The following EYS variants were observed in gnomAD, a reference collection of about 807,000 sequenced individuals.
EYS encodes the protein protein eyes shut homolog.
Under a neutral mutation model 282.1 loss-of-function variants are expected in EYS, and 250 were observed. That is an observed-to-expected ratio of 0.89 (90% confidence interval 0.80 to 0.98). The LOEUF (loss-of-function observed/expected upper bound fraction) is 0.98. Ranked by LOEUF, EYS falls within the 50% of genes least tolerant of loss-of-function variation. The pLI is 0.00. For synonymous variants in EYS, 1,355 were observed against 1,282.9 expected (o/e 1.06, Z -1.20); for missense variants, 4,016 against 3,709.0 (o/e 1.08, Z -2.15).
intron 28 of EYS, 94 bp from the exon 29 acceptor site, chr6:64,388,934 G>T: frequency 3.7e-6 from 3 of 818,302 alleles, no homozygotes; most frequent in Non-Finnish European, 5.2e-6. Context: ...AATAATTTAA[G>T]TAAATAGATT....
intron 19 of EYS, among the ~76,000 whole-genome samples, chr6:64,874,303 C>A (rs1053664475): frequency 6.6e-6 from 1 of 152,064 alleles, no homozygotes; most frequent in Non-Finnish European, 1.5e-5. Context: ...ATTTCAGACT[C>A]ACATAACCAA....
At chr6:64,460,811 A>T (rs553811824) in intron 26 of EYS, among the ~76,000 whole-genome samples, 2 of 152,304 alleles carry the variant, frequency 1.3e-5, no homozygotes, top group African/African-American at 4.8e-5. Context: ...TCTAGCAATT[A>T]GCTTTTAATC....
chr6:64,552,513 G>T (rs1176264354), intron 26 of EYS, among the ~76,000 whole-genome samples: 1 of 152,066 alleles, frequency 6.6e-6, no homozygotes, highest in African/African-American at 2.4e-5. Context: ...GCCTTCATCT[G>T]CATAATAAGA....
At chr6:65,626,708 T>A (rs1766706006) in intron 2 of EYS, among the ~76,000 whole-genome samples, 1 of 152,090 alleles carries the variant, frequency 6.6e-6, no homozygotes, top group Non-Finnish European at 1.5e-5. Flanking sequence ...AAGTGAGGAA[T>A]GACTAATTTG....
intron 12 of EYS, among the ~76,000 whole-genome samples, chr6:65,228,147 G>A (rs1766677124): frequency 6.6e-6 from 1 of 152,094 alleles, no homozygotes; most frequent in Non-Finnish European, 1.5e-5. Context: ...CGCAGTCTAT[G>A]TGGAAACAAG....
At chr6:65,544,029 TGAG>T (rs1216087160) in intron 2 of EYS, among the ~76,000 whole-genome samples, 6,621 of 132,002 alleles carry the variant, frequency 0.05, 434 homozygotes, top group African/African-American at 0.16. Flanking sequence ...TGTGTGTGTG[TGAG>T]AGAGAGAGAG....
chr6:64,969,035 C>T (rs899218818), intron 14 of EYS, among the ~76,000 whole-genome samples: 2 of 152,072 alleles, frequency 1.3e-5, no homozygotes, highest in Admixed American at 6.6e-5. Context: ...TTTCTCTTTC[C>T]TTCACTCTCT....
chr6:64,630,781 G>A (rs764809071), intron 22 of EYS, among the ~76,000 whole-genome samples: 5 of 152,070 alleles, frequency 3.3e-5, no homozygotes, highest in Non-Finnish European at 7.3e-5. Context: ...TACATTCTTA[G>A]CTTGAATGGA....
intron 2 of EYS, among the ~76,000 whole-genome samples, chr6:65,584,022 G>A (rs188949691): frequency 6.6e-6 from 1 of 151,822 alleles, no homozygotes; most frequent in East Asian, 1.9e-4. Flanking sequence ...TTGTTGACTG[G>A]ATGAATTCTA....
At chr6:64,198,002 TA>T (rs1370570223) in intron 31 of EYS, among the ~76,000 whole-genome samples, 3 of 150,804 alleles carry the variant, frequency 2.0e-5, no homozygotes, top group African/African-American at 7.4e-5. Context: ...TTTATTTATT[TA>T]TTTTTTTGAG....
chr6:64,070,590 A>AT (rs1771538876), intron 32 of EYS, among the ~76,000 whole-genome samples: 1 of 151,932 alleles, frequency 6.6e-6, no homozygotes. Context: ...TCTGCTAGTC[A>AT]TTTTTTCAGT....
At chr6:65,564,404 T>C (rs1769193257) in intron 2 of EYS, among the ~76,000 whole-genome samples, 1 of 152,108 alleles carries the variant, frequency 6.6e-6, no homozygotes, top group Non-Finnish European at 1.5e-5. Context: ...GAAAATAGCA[T>C]GGTACCGGTA....
At chr6:64,500,444 C>A (rs916491466) in intron 26 of EYS, among the ~76,000 whole-genome samples, 4 of 152,030 alleles carry the variant, frequency 2.6e-5, no homozygotes, top group Non-Finnish European at 5.9e-5. Flanking sequence ...TATAAAGCTG[C>A]ATTTAAGCTG....
intron 2 of EYS, among the ~76,000 whole-genome samples, chr6:65,583,017 C>T (rs1379909982): frequency 2.6e-5 from 4 of 151,910 alleles, no homozygotes; most frequent in Middle Eastern, 3.4e-3. Context: ...TAATGGCAAG[C>T]GGATTGTAAT....
chr6:65,022,235 C>T (rs1490400177), intron 13 of EYS, among the ~76,000 whole-genome samples: 1 of 152,202 alleles, frequency 6.6e-6, no homozygotes, highest in East Asian at 1.9e-4. Flanking sequence ...ATCCCACTGC[C>T]TACATAGTGC....
intron 5 of EYS, among the ~76,000 whole-genome samples, chr6:65,457,787 A>G (rs945155239): frequency 2.0e-5 from 3 of 152,134 alleles, no homozygotes; most frequent in Non-Finnish European, 4.4e-5. Context: ...ACATTCTTAT[A>G]TATGTTCCTA....
At chr6:64,822,450 A>T (rs1337749089) in intron 20 of EYS, among the ~76,000 whole-genome samples, 2 of 152,008 alleles carry the variant, frequency 1.3e-5, no homozygotes, top group Non-Finnish European at 2.9e-5. Flanking sequence ...AATGAACAGA[A>T]ATAAAAGAAG....
chr6:64,798,194 C>T (rs902632076), intron 22 of EYS, among the ~76,000 whole-genome samples: 8 of 151,756 alleles, frequency 5.3e-5, no homozygotes, highest in African/African-American at 1.7e-4. Flanking sequence ...GTCTTTAATT[C>T]ATCAATTACA....
intron 12 of EYS, among the ~76,000 whole-genome samples, chr6:65,175,712 T>A (rs1300824411): frequency 1.3e-5 from 2 of 151,462 alleles, no homozygotes; most frequent in Non-Finnish European, 3.0e-5. Context: ...AGATCATGGA[T>A]CATGATGAAA....
Sources: allele counts gnomAD v4.1 joint callset (sites outside exome capture counted in the v4.1 genomes callset), GRCh38; gene constraint gnomAD v4.1.1; transcripts MANE v1.5; gene names NCBI Gene and HGNC (gene_info 2026-07-23, HGNC 2026-07-21).